GALNT13: variants seen among roughly 807,000 people sequenced by gnomAD.
GALNT13 encodes the protein polypeptide N-acetylgalactosaminyltransferase 13, also known as UDP-GalNAc:polypeptide N-acetylgalactosaminyltransferase 13.
In GALNT13, 28 loss-of-function variants were observed where a neutral mutation model predicts 64.2. The ratio of observed to expected loss-of-function variants is 0.44; its 90% CI spans 0.32 to 0.60. The LOEUF (loss-of-function observed/expected upper bound fraction) is 0.60, where lower values mean the gene tolerates loss of function less well. Ranked by LOEUF, GALNT13 falls within the 20% of genes least tolerant of loss-of-function variation. The pLI is 0.05. For synonymous variants in GALNT13, 214 were observed against 224.6 expected, an observed-to-expected ratio of 0.95 and a Z score of 0.42; for missense variants, 577 against 669.8, an observed-to-expected ratio of 0.86 and a Z score of 1.53.
the GALNT13 span, among the ~76,000 whole-genome samples, chr2:153,671,387 G>A: frequency 6.6e-6 from 1 of 152,054 alleles, no homozygotes; most frequent in Admixed American, 6.5e-5. Flanking sequence ...AAAGAGTGGG[G>A]GCCAATATTC....
intron 3 of GALNT13, among the ~76,000 whole-genome samples, chr2:154,023,648 A>T (rs1697705872): frequency 6.6e-6 from 1 of 152,022 alleles, no homozygotes; most frequent in Admixed American, 6.6e-5. Context: ...CTCTTTATCC[A>T]GTTTGCCAGT....
the GALNT13 span, among the ~76,000 whole-genome samples, chr2:153,254,435 AT>A: frequency 4.6e-5 from 7 of 152,054 alleles, no homozygotes; most frequent in African/African-American, 7.2e-5. Context: ...GGATTCATTA[AT>A]TTTTTGAAGG....
chr2:154,447,952 A>G (rs1701678238), intron 12 of GALNT13, among the ~76,000 whole-genome samples: 1 of 152,000 alleles, frequency 6.6e-6, no homozygotes, highest in South Asian at 2.1e-4. Flanking sequence ...TAGAGCAGAG[A>G]CCACAGAGTG....
chr2:153,805,674 A>G, the GALNT13 span, among the ~76,000 whole-genome samples: 1 of 152,102 alleles, frequency 6.6e-6, no homozygotes, highest in Non-Finnish European at 1.5e-5. Flanking sequence ...TAGGAATAAT[A>G]TATGTAAAAA....
chr2:153,884,825 A>ATG (rs1344111377), intron 1 of GALNT13, among the ~76,000 whole-genome samples: 196 of 112,584 alleles, frequency 1.7e-3, no homozygotes, highest in African/African-American at 8.0e-3. Flanking sequence ...GTGTGTATAT[A>ATG]TATGTGTGTG....
At chr2:154,215,887 G>T (rs1046432422) in intron 4 of GALNT13, among the ~76,000 whole-genome samples, 5 of 151,998 alleles carry the variant, frequency 3.3e-5, no homozygotes, top group Non-Finnish European at 7.4e-5. Context: ...CAGAAGCCTT[G>T]CTCATTTAAC....
the GALNT13 span, among the ~76,000 whole-genome samples, chr2:153,225,125 C>G: frequency 6.6e-6 from 1 of 152,162 alleles, no homozygotes; most frequent in African/African-American, 2.4e-5. Context: ...GTAACAAGAA[C>G]TATACACCAT....
chr2:153,787,962 C>T, the GALNT13 span, among the ~76,000 whole-genome samples: 1 of 152,152 alleles, frequency 6.6e-6, no homozygotes, highest in Non-Finnish European at 1.5e-5. Flanking sequence ...ATCTACAAAT[C>T]ATTAGCATCC....
the GALNT13 span, among the ~76,000 whole-genome samples, chr2:153,458,628 C>T: frequency 2.0e-5 from 3 of 152,068 alleles, no homozygotes; most frequent in Non-Finnish European, 2.9e-5. Context: ...ATATAATCTG[C>T]GGACAGATTC....
At chr2:153,445,646 G>A in the GALNT13 span, among the ~76,000 whole-genome samples, 1 of 152,214 alleles carries the variant, frequency 6.6e-6, no homozygotes, top group South Asian at 2.1e-4. Context: ...CCAAAGTGCT[G>A]GGACTACAGG....
chr2:154,262,101 T>G (rs1690729918), intron 8 of GALNT13, among the ~76,000 whole-genome samples: 1 of 152,070 alleles, frequency 6.6e-6, no homozygotes, highest in Non-Finnish European at 1.5e-5. Context: ...GACAACAGAT[T>G]TAAATACGGT....
At chr2:154,314,018 AT>A (rs1320015065) in intron 9 of GALNT13, among the ~76,000 whole-genome samples, 2 of 152,106 alleles carry the variant, frequency 1.3e-5, no homozygotes, top group African/African-American at 4.8e-5. Flanking sequence ...AATTTTTCAA[AT>A]TGGTACAAAT....
the GALNT13 span, among the ~76,000 whole-genome samples, chr2:153,767,142 TTATC>T: frequency 1.3e-5 from 2 of 152,106 alleles, no homozygotes; most frequent in Non-Finnish European, 2.9e-5. Flanking sequence ...TTCTAACTAT[TTATC>T]TATCTATCCA....
chr2:153,630,772 T>G, the GALNT13 span, among the ~76,000 whole-genome samples: 2 of 9,628 alleles, frequency 2.1e-4, 1 homozygote, highest in African/African-American at 7.8e-4. Flanking sequence ...CATATATATA[T>G]ATATATATAT....
At chr2:154,337,101 G>T (rs1695498081) in intron 9 of GALNT13, among the ~76,000 whole-genome samples, 1 of 151,996 alleles carries the variant, frequency 6.6e-6, no homozygotes, top group Non-Finnish European at 1.5e-5. Flanking sequence ...CTGGTAAAGT[G>T]CCAGGCCCCA....
At chr2:153,297,654 A>T in the GALNT13 span, among the ~76,000 whole-genome samples, 3 of 152,194 alleles carry the variant, frequency 2.0e-5, no homozygotes, top group East Asian at 5.8e-4. Context: ...CTGATTTGGA[A>T]AGCAAAATTT....
At chr2:153,614,679 G>A in the GALNT13 span, among the ~76,000 whole-genome samples, 4 of 151,988 alleles carry the variant, frequency 2.6e-5, no homozygotes, top group Non-Finnish European at 4.4e-5. Flanking sequence ...TTAAAATTTC[G>A]ATTGTAGAAT....
At chr2:154,084,672 C>T (rs746110502) in intron 3 of GALNT13, among the ~76,000 whole-genome samples, 3 of 151,878 alleles carry the variant, frequency 2.0e-5, no homozygotes, top group Non-Finnish European at 4.4e-5. Context: ...AATAGGGAAG[C>T]GTGTTAGTGC....
At chr2:153,983,988 C>T (rs1180461608) in intron 3 of GALNT13, among the ~76,000 whole-genome samples, 1 of 151,838 alleles carries the variant, frequency 6.6e-6, no homozygotes, top group Non-Finnish European at 1.5e-5. Flanking sequence ...AAGGAAAGAT[C>T]TATCATATTT....
Sources: gnomAD v4.1 joint callset for allele counts (sites outside exome capture counted in the v4.1 genomes callset) on GRCh38, gnomAD v4.1.1 for gene constraint, MANE v1.5 for transcripts, NCBI Gene and HGNC (gene_info 2026-07-23, HGNC 2026-07-21) for gene names.